DHRS3: variants seen among roughly 807,000 people sequenced by gnomAD.
DHRS3 encodes the protein dehydrogenase/reductase 3.
Under a neutral mutation model 27.2 loss-of-function variants are expected in DHRS3, and 14 were observed. The ratio of observed to expected loss-of-function variants is 0.52; its 90% confidence interval spans 0.34 to 0.81. The LOEUF is 0.81. Ranked by LOEUF, DHRS3 falls within the 30% of genes least tolerant of loss-of-function variation. The pLI is 0.01. For synonymous variants in DHRS3, 165 were observed against 175.9 expected (o/e 0.94, Z 0.49); for missense variants, 322 against 406.2 (o/e 0.79, Z 1.78).
intron 4 of DHRS3, among the ~76,000 whole-genome samples, chr1:12,576,569 A>C (rs1646590954): frequency 6.6e-6 from 1 of 151,696 alleles, no homozygotes; most frequent in African/African-American, 2.4e-5. Flanking sequence ...CTTAAAAAAA[A>C]AAACAAAACA....
chr1:12,601,299 G>T (rs1199625894), intron 1 of DHRS3, among the ~76,000 whole-genome samples: 1 of 152,012 alleles, frequency 6.6e-6, no homozygotes, highest in African/African-American at 2.4e-5. Flanking sequence ...CCATTTCCTT[G>T]GTTCAGGCTC....
At position 12,587,963 on chromosome 1, in the gene DHRS3, G is replaced by A. The variant is rs74583512; in HGVS notation, c.196-7297C>T. On this transcript the variant is annotated intron_variant, in intron 1 of 5. Coordinates refer to ENST00000616661, the MANE Select transcript of DHRS3 (RefSeq NM_004753.7). ...GTGAGTGAGGGAGGGAGCCTGCCGGGGATCCACAGCTCCCAGTTTCCACTC... is the reference window on the plus strand; with the variant it reads ...GTGAGTGAGGGAGGGAGCCTGCCGGAGATCCACAGCTCCCAGTTTCCACTC... Among the ~76,000 whole-genome samples, 232 of 152,312 alleles carry A rather than the reference G, an allele frequency of 1.5e-3. 1 individual carries two copies. Among genetic ancestry groups the A allele is most frequent in the Non-Finnish European group, 2.8e-3 (189 of 68,032 alleles).
intron 1 of DHRS3, among the ~76,000 whole-genome samples, chr1:12,603,897 C>T (rs1296580123): frequency 6.6e-6 from 1 of 152,216 alleles, no homozygotes; most frequent in Non-Finnish European, 1.5e-5. Context: ...GCCCTGGCTT[C>T]AGTGTCACAG....
chr1:12,595,805 G>A (rs1402899673), intron 1 of DHRS3, among the ~76,000 whole-genome samples: 1 of 147,864 alleles, frequency 6.8e-6, no homozygotes, highest in East Asian at 2.1e-4. Flanking sequence ...GTAGGTGGCT[G>A]CAGAAGGGGG....
At position 12,592,575 on chromosome 1, in the gene DHRS3, C is replaced by A. The variant is rs989649643; in HGVS notation, c.196-11909G>T. On this transcript the variant is annotated intron_variant, in intron 1 of 5. Transcript: ENST00000616661. This position sits in a 1 kb window ranked among gnomAD's most constrained non-coding sequence, Gnocchi z 4.2. ...CAAGGAAGGATCCTTCCCTAGAGCC[C>A]GGGAGGGAGTGGGGCCCTGCTGACA... 6.6e-6 allele frequency among the ~76,000 whole-genome samples: 1 copy of A among 152,168 alleles called. No homozygotes were observed. Among genetic ancestry groups the A allele is most frequent in the African/African-American group, 2.4e-5 (1 of 41,442 alleles).
rs958580601 is a variant in DHRS3, at chr1:12,583,909, T to C, written c.196-3243A>G. On this transcript the variant is annotated intron_variant, in intron 1 of 5. Coordinates refer to ENST00000616661, the MANE Select transcript of DHRS3 (RefSeq NM_004753.7). ...TCCATCCATTTACTCACCTGCCCAA[T>C]TCCATTCATCTATCCATTCATCCAC... 4.7e-5 allele frequency among the ~76,000 whole-genome samples: 7 copies of C among 149,866 alleles called. 2 individuals carry two copies.
chr1:12,570,291 C>T (rs1646524706), intron 5 of DHRS3, among the ~76,000 whole-genome samples: 1 of 152,210 alleles, frequency 6.6e-6, no homozygotes, highest in African/African-American at 2.4e-5. Context: ...CTGGTGTAGT[C>T]CCCACCCGTT....
rs1646569849 is a variant in DHRS3 at position 12,574,667 on chromosome 1, T to C, written c.699-1814A>G. Reference sequence around the variant, plus strand: ...GGAAGGCAGGATGGACAGACCAAAGTCCATGGGCTTGACGGGAATCCTTCT... The same window carrying C: ...GGAAGGCAGGATGGACAGACCAAAGCCCATGGGCTTGACGGGAATCCTTCT... On this transcript the variant is annotated intron_variant, in intron 4 of 5. Transcript: ENST00000616661. This position sits in a 1 kb window ranked among gnomAD's most constrained non-coding sequence, Gnocchi z 4.6. Among the ~76,000 whole-genome samples, 1 of 152,168 alleles carries C rather than the reference T, an allele frequency of 6.6e-6. No homozygotes were observed. The highest frequency in any genetic ancestry group is 2.4e-5 in the African/African-American group (1 of 41,438).
At chr1:12,573,972 T>A (rs1199952750) in intron 4 of DHRS3, among the ~76,000 whole-genome samples, 1 of 152,164 alleles carries the variant, frequency 6.6e-6, no homozygotes, top group Non-Finnish European at 1.5e-5. Context: ...CTCATGTTGC[T>A]GGCTCTGACC....
In DHRS3 at chr1:12,594,398, G is replaced by A. The variant is rs1646771520; in HGVS notation, c.196-13732C>T. Among the ~76,000 whole-genome samples, 1 of 152,186 alleles carries A rather than the reference G, an allele frequency of 6.6e-6. No individual in the cohort carries two copies. The highest frequency in any genetic ancestry group is 1.5e-5 in the Non-Finnish European group (1 of 68,038). On this transcript the variant is annotated intron_variant, in intron 1 of 5. Coordinates refer to ENST00000616661, the MANE Select transcript of DHRS3 (RefSeq NM_004753.7). This position sits in a 1 kb window ranked among gnomAD's most constrained non-coding sequence, Gnocchi z 4.1. ...GAGTTTGCTTGTGTGTAAGTCCGGG[G>A]ACAATGAGCATGAACACTTGTTCAC... is the stretch of plus-strand genomic sequence containing the variant.
At chr1:12,614,463 A>T (rs1014742715) in intron 1 of DHRS3, among the ~76,000 whole-genome samples, 2 of 151,994 alleles carry the variant, frequency 1.3e-5, no homozygotes, top group Non-Finnish European at 2.9e-5. Context: ...ACTGTGGGTA[A>T]GGAGAGATGT....
intron 1 of DHRS3, 127 bp downstream of exon 1, chr1:12,617,027 G>C: frequency 8.6e-7 from 1 of 1,163,456 alleles, no homozygotes; most frequent in Non-Finnish European, 1.2e-6. Context: ...CAGCACTCGT[G>C]GGTGGCGCGG....
rs1374832197 is a variant in DHRS3, at chr1:12,593,156, C to T, written c.196-12490G>A. 6.6e-6 allele frequency among the ~76,000 whole-genome samples: 1 copy of T among 152,186 alleles called. No individual in the cohort carries two copies. The highest frequency in any genetic ancestry group is 1.5e-5 in the Non-Finnish European group (1 of 68,034). On this transcript the variant is annotated intron_variant, in intron 1 of 5. Coordinates refer to ENST00000616661, the MANE Select transcript of DHRS3 (RefSeq NM_004753.7). The surrounding 1 kb of genome is among the most constrained non-coding windows in gnomAD (Gnocchi z 4.6). ...CTGCTTATGACTACTGATGGCTGCC[C>T]ATCTCACAGACTGGAATCTAGTGTT...
At chr1:12,599,267 A>G (rs538669432) in intron 1 of DHRS3, among the ~76,000 whole-genome samples, 3 of 152,266 alleles carry the variant, frequency 2.0e-5, no homozygotes, top group African/African-American at 4.8e-5. Context: ...GGGACATTCA[A>G]TGGGAAATGG....
At chr1:12,600,478 G>A (rs769707693) in intron 1 of DHRS3, 13 of 806,102 alleles carry the variant, frequency 1.6e-5, no homozygotes, top group South Asian at 1.1e-4. Context: ...TAAGAACACG[G>A]GCCGTGCAGC....
At chr1:12,580,314 C>T in intron 2 of DHRS3, 1 of 628,782 alleles carries the variant, frequency 1.6e-6, no homozygotes, top group Non-Finnish European at 2.8e-6. Context: ...TCCAAGGGAA[C>T]AACAGATGAT....
chr1:12,572,897 T>C, intron 4 of DHRS3, 44 bp from the exon 5 acceptor site: 2 of 1,528,390 alleles, frequency 1.3e-6, no homozygotes, highest in Non-Finnish European at 1.8e-6. Flanking sequence ...TGGAGAGGCA[T>C]GTGCTTATCT....
intron 1 of DHRS3, among the ~76,000 whole-genome samples, chr1:12,601,578 T>C (rs992461670): frequency 1.3e-5 from 2 of 151,984 alleles, no homozygotes; most frequent in African/African-American, 4.8e-5. Flanking sequence ...TAAACCAATC[T>C]GAGGAACACC....
chr1:12,602,354 C>T (rs1161952954), intron 1 of DHRS3, among the ~76,000 whole-genome samples: 4 of 152,028 alleles, frequency 2.6e-5, no homozygotes, highest in African/African-American at 9.7e-5. Flanking sequence ...GGTGAGGCCT[C>T]GGGTGGAAGG....
Sources: allele counts gnomAD v4.1 joint callset (sites outside exome capture counted in the v4.1 genomes callset), GRCh38; gene constraint gnomAD v4.1.1; non-coding constraint Gnocchi (gnomAD v3.1); transcripts MANE v1.5; gene names NCBI Gene and HGNC (gene_info 2026-07-23, HGNC 2026-07-21).